DGKB: variants seen among roughly 807,000 people sequenced by gnomAD.
DGKB encodes diacylglycerol kinase beta.
In DGKB, 67 loss-of-function variants were observed where a neutral mutation model predicts 114.3. The observed-to-expected ratio is 0.59, with a 90% CI of 0.48 to 0.72. DGKB has a LOEUF of 0.72. Among genes scored for constraint, DGKB ranks in the 30% least tolerant of loss-of-function variants. The probability of loss-of-function intolerance (pLI) is 0.00; values close to 1 mark genes in which losing one functional copy is unlikely to be tolerated. For synonymous variants in DGKB, 398 were observed against 323.1 expected (o/e 1.23, Z -2.49); for missense variants, 907 against 975.2 (o/e 0.93, Z 0.93).
chr7:14,775,345 T>C (rs1837994284), intron 2 of DGKB, among the ~76,000 whole-genome samples: 1 of 152,028 alleles, frequency 6.6e-6, no homozygotes, highest in Non-Finnish European at 1.5e-5. Context: ...GTATTCATGT[T>C]AACAGTAAAA....
At chr7:14,231,002 G>C (rs942922067) in intron 23 of DGKB, among the ~76,000 whole-genome samples, 1 of 152,040 alleles carries the variant, frequency 6.6e-6, no homozygotes, top group African/African-American at 2.4e-5. Context: ...AGGAGGACAA[G>C]GGCTAAGTCC....
chr7:14,682,794 A>T lies in DGKB; in HGVS notation c.877T>A (p.Ser293Thr). The change falls in exon 11 of 26, where the codon TCT becomes ACT. Residue 293 changes from serine to threonine, a missense_variant. Around this residue, in one of 3 missense-constraint regions of DGKB, gnomAD observed 814 missense variants for 856.6 expected, o/e 0.95. Transcript: ENST00000402815. Reference protein sequence around the residue: ...HERCVARAPPSCIKTYVKSKR... With the variant: ...HERCVARAPPTCIKTYVKSKR... Reference sequence around the variant, plus strand: ...GACTTCACATAGGTCTTGATGCAAGAGGGAGGTGCTCGAGCCACACAGCGC... The same window carrying T: ...GACTTCACATAGGTCTTGATGCAAGTGGGAGGTGCTCGAGCCACACAGCGC... The T allele has an allele frequency of 6.2e-7, 1 of 1,608,272 alleles. No homozygotes were observed. The highest frequency in any genetic ancestry group is 8.5e-7 in the Non-Finnish European group (1 of 1,176,950).
intron 13 of DGKB, among the ~76,000 whole-genome samples, chr7:14,636,938 G>C (rs1237314755): frequency 2.0e-5 from 3 of 151,772 alleles, no homozygotes; most frequent in African/African-American, 7.2e-5. Flanking sequence ...GCTAAGAATA[G>C]CTTCTTTTTA....
chr7:14,459,900 C>G (rs1832819614), intron 21 of DGKB, among the ~76,000 whole-genome samples: 1 of 152,144 alleles, frequency 6.6e-6, no homozygotes, highest in African/African-American at 2.4e-5. Flanking sequence ...GCAGATCTCT[C>G]TGCAGAAACC....
At chr7:14,193,188 AAC>A (rs1554281804) in intron 23 of DGKB, among the ~76,000 whole-genome samples, 4 of 151,448 alleles carry the variant, frequency 2.6e-5, no homozygotes, top group Admixed American at 6.6e-5. Context: ...AAAAAAAAAA[AAC>A]AACTATAAAA....
intron 1 of DGKB, among the ~76,000 whole-genome samples, chr7:14,872,942 AAG>A (rs1182240183): frequency 2.0e-5 from 3 of 151,992 alleles, no homozygotes; most frequent in African/African-American, 7.2e-5. Context: ...TTTGATAATC[AAG>A]AGAGTAAGAA....
Position 14,474,269 on chromosome 7 carries a change from T to C in DGKB, c.1835+3892A>G, listed in dbSNP as rs1781844445. ...ATCTGATGGTTCTACACGGGGGAGT[T>C]TCCCTGCACAAGCTCTCTCTCTCTT... On this transcript the variant is annotated intron_variant, in intron 21 of 25. Coordinates refer to ENST00000402815, the MANE Select transcript of DGKB (RefSeq NM_001350709.2). 3.3e-5 allele frequency among the ~76,000 whole-genome samples: 5 copies of C among 152,140 alleles called. No individual in the cohort carries two copies. The South Asian group carries it at 1.0e-3, about 32-fold the overall frequency.
chr7:14,384,983 G>C, intron 21 of DGKB, among the ~76,000 whole-genome samples: 1 of 152,054 alleles, frequency 6.6e-6, no homozygotes. Flanking sequence ...CAAAAAGGAG[G>C]AATTACTTTC....
At chr7:14,970,861 G>T (rs774686905) in intron 1 of DGKB, among the ~76,000 whole-genome samples, 1 of 152,260 alleles carries the variant, frequency 6.6e-6, no homozygotes, top group East Asian at 1.9e-4. Context: ...CTGAACGGCA[G>T]GCTGGAGTGC....
intron 5 of DGKB, among the ~76,000 whole-genome samples, chr7:14,730,133 C>T (rs1830695755): frequency 6.6e-6 from 1 of 152,124 alleles, no homozygotes. Flanking sequence ...AGTTAATATA[C>T]TATATTACGT....
intron 23 of DGKB, among the ~76,000 whole-genome samples, chr7:14,231,093 T>TC (rs1562684186): frequency 8.3e-5 from 6 of 72,012 alleles, no homozygotes; most frequent in Non-Finnish European, 1.8e-4. Flanking sequence ...CTTTCTTTCT[T>TC]TCTTTCTTTC....
At chr7:14,834,312 C>G (rs1293761789) in intron 2 of DGKB, among the ~76,000 whole-genome samples, 3 of 152,062 alleles carry the variant, frequency 2.0e-5, no homozygotes. Flanking sequence ...GATGACTTGG[C>G]TAATGTCCCA....
At chr7:14,193,096 G>A (rs1374426650) in intron 23 of DGKB, among the ~76,000 whole-genome samples, 4 of 151,920 alleles carry the variant, frequency 2.6e-5, no homozygotes, top group East Asian at 1.9e-4. Flanking sequence ...CTCCTGCTAC[G>A]CGACCCAGTT....
chr7:14,730,386 G>A (rs1830731324), intron 5 of DGKB, among the ~76,000 whole-genome samples: 1 of 152,130 alleles, frequency 6.6e-6, no homozygotes, highest in Non-Finnish European at 1.5e-5. Context: ...CTCCAGGTGT[G>A]CCATCTTATT....
At chr7:14,465,548 C>A (rs142830904) in intron 21 of DGKB, among the ~76,000 whole-genome samples, 1 of 152,112 alleles carries the variant, frequency 6.6e-6, no homozygotes, top group African/African-American at 2.4e-5. Flanking sequence ...ATTTGCTAGA[C>A]ACTGTTAAAA....
intron 22 of DGKB, among the ~76,000 whole-genome samples, chr7:14,343,387 T>C (rs747979055): frequency 2.2e-4 from 34 of 151,904 alleles, no homozygotes; most frequent in Admixed American, 1.3e-4. Flanking sequence ...GAGAACATTC[T>C]AAATAGTTTT....
At chr7:14,560,574 TG>T (rs1448458697) in intron 20 of DGKB, among the ~76,000 whole-genome samples, 1 of 152,192 alleles carries the variant, frequency 6.6e-6, no homozygotes, top group South Asian at 2.1e-4. Context: ...TTCAGTTGTA[TG>T]TATAGACCAC....
intron 4 of DGKB, among the ~76,000 whole-genome samples, chr7:14,751,905 G>A (rs893455489): frequency 6.6e-6 from 1 of 152,124 alleles, no homozygotes; most frequent in Non-Finnish European, 1.5e-5. Context: ...AATCACATTG[G>A]TCATTAAAGT....
At chr7:14,161,444 A>G (rs1783873746) in intron 25 of DGKB, among the ~76,000 whole-genome samples, 1 of 152,220 alleles carries the variant, frequency 6.6e-6, no homozygotes, top group Non-Finnish European at 1.5e-5. Flanking sequence ...CTGGATAAAG[A>G]AAATGTGGCA....
Sources: gnomAD v4.1 joint callset for allele counts (sites outside exome capture counted in the v4.1 genomes callset) on GRCh38, gnomAD v4.1.1 for gene constraint, gnomAD v4.1.1 regional missense constraint, MANE v1.5 for transcripts, NCBI Gene and HGNC (gene_info 2026-07-23, HGNC 2026-07-21) for gene names.